Variants in NAALADL2 observed in about 807,000 individuals in gnomAD.
NAALADL2 encodes the protein inactive N-acetylated-alpha-linked acidic dipeptidase-like protein 2.
Under a neutral mutation model 87.2 loss-of-function variants are expected in NAALADL2, and 76 were observed. The ratio of observed to expected loss-of-function variants is 0.87; its 90% CI spans 0.72 to 1.05. The LOEUF (loss-of-function observed/expected upper bound fraction) is 1.05, where lower values mean the gene tolerates loss of function less well. NAALADL2 is among the 50% of genes least tolerant of loss of function. NAALADL2 has a pLI of 0.00. For missense variants in NAALADL2, 1,089 were observed against 945.8 expected, an observed-to-expected ratio of 1.15 and a Z score of -1.99; for synonymous variants, 354 against 331.0, an observed-to-expected ratio of 1.07 and a Z score of -0.75.
At chr3:174,917,280 C>T (rs1018153674) in intron 1 of NAALADL2, among the ~76,000 whole-genome samples, 8 of 151,984 alleles carry the variant, frequency 5.3e-5, no homozygotes, top group African/African-American at 1.9e-4. Flanking sequence ...TGTTCAAGAA[C>T]CTGTTGATGA....
At chr3:174,854,249 G>A (rs1177732858) in intron 3 of NAALADL2, among the ~76,000 whole-genome samples, 1 of 152,210 alleles carries the variant, frequency 6.6e-6, no homozygotes. Flanking sequence ...GGAACTGGAG[G>A]CAATTATGTT....
intron 2 of NAALADL2, among the ~76,000 whole-genome samples, chr3:175,210,750 G>A (rs1263156848): frequency 6.6e-6 from 1 of 151,114 alleles, no homozygotes; most frequent in East Asian, 1.9e-4. Flanking sequence ...AGTAATAAAG[G>A]TAAAAAAAAG....
intron 6 of NAALADL2, among the ~76,000 whole-genome samples, chr3:175,448,780 G>A (rs766333579): frequency 7.9e-5 from 12 of 152,092 alleles, no homozygotes; most frequent in Non-Finnish European, 1.8e-4. Flanking sequence ...CTTAATCATA[G>A]CTCACTGCAG....
At chr3:175,630,154 T>C (rs1727558403) in intron 11 of NAALADL2, among the ~76,000 whole-genome samples, 1 of 151,798 alleles carries the variant, frequency 6.6e-6, no homozygotes, top group African/African-American at 2.4e-5. Context: ...ATCAGTCTTA[T>C]TTCACCAATA....
chr3:174,762,858 T>G (rs766444988), intron 3 of NAALADL2, among the ~76,000 whole-genome samples: 2 of 152,110 alleles, frequency 1.3e-5, no homozygotes, highest in African/African-American at 2.4e-5. Flanking sequence ...GCTTGAAAAA[T>G]TAAAACAATC....
intron 9 of NAALADL2, among the ~76,000 whole-genome samples, chr3:175,542,746 A>G (rs1428776874): frequency 6.6e-6 from 1 of 152,212 alleles, no homozygotes; most frequent in Admixed American, 6.5e-5. Context: ...AATCTGATGT[A>G]AGTGGACCTA....
At position 175,639,318 on chromosome 3, in the gene NAALADL2, C is replaced by CTTTTTTTTTTTTTTTTT. The variant is rs756214274; in HGVS notation, c.1896+11936_1896+11952dup. Among the ~76,000 whole-genome samples the CTTTTTTTTTTTTTTTTT allele has an allele frequency of 2.3e-4, 25 of 108,716 alleles. 2 individuals carry two copies. The highest frequency in any genetic ancestry group is 1.0e-3 in the African/African-American group (25 of 24,168). 71.3% of individuals were successfully genotyped at this position (108,716 alleles called of 152,430 possible). On this transcript the variant is annotated intron_variant, in intron 11 of 13. Transcript: ENST00000454872. ...GCAGTTTTTTTTCAAAAGCGTTATT[C>CTTTTTTTTTTTTTTTTT]TTTTTTTTTTTTTTTTTTTTGAGAC... is the stretch of plus-strand genomic sequence containing the variant.
intron 13 of NAALADL2, among the ~76,000 whole-genome samples, chr3:175,786,195 C>T (rs866174073): frequency 7.3e-5 from 11 of 151,690 alleles, no homozygotes; most frequent in African/African-American, 1.2e-4. Context: ...TTGCTCTTCT[C>T]GAGGAGTATC....
intron 6 of NAALADL2, among the ~76,000 whole-genome samples, chr3:175,462,766 T>G (rs1723339095): frequency 6.6e-6 from 1 of 152,186 alleles, no homozygotes; most frequent in African/African-American, 2.4e-5. Flanking sequence ...TGCAAAATTT[T>G]TGAATATCAA....
intron 2 of NAALADL2, among the ~76,000 whole-genome samples, chr3:175,129,368 T>C (rs1727449411): frequency 6.6e-6 from 1 of 152,148 alleles, no homozygotes; most frequent in Non-Finnish European, 1.5e-5. Context: ...TTATTAACTA[T>C]AGTCACTGTG....
intron 11 of NAALADL2, among the ~76,000 whole-genome samples, chr3:175,674,043 A>G (rs1165333258): frequency 6.6e-6 from 1 of 152,134 alleles, no homozygotes; most frequent in African/African-American, 2.4e-5. Flanking sequence ...TGGAGATCCT[A>G]GATTCATTAT....
intron 4 of NAALADL2, among the ~76,000 whole-genome samples, chr3:175,290,739 G>A (rs553642763): frequency 3.3e-5 from 5 of 152,140 alleles, no homozygotes; most frequent in African/African-American, 9.6e-5. Context: ...TAGGCATAAA[G>A]TTTATTTAAA....
chr3:175,424,620 T>C (rs1340312786), intron 5 of NAALADL2, among the ~76,000 whole-genome samples: 9 of 152,130 alleles, frequency 5.9e-5, no homozygotes, highest in Non-Finnish European at 1.2e-4. Flanking sequence ...CTGTTCTATA[T>C]CTGTTCTATA....
intron 2 of NAALADL2, among the ~76,000 whole-genome samples, chr3:175,173,488 T>C (rs1735193926): frequency 6.6e-6 from 1 of 152,098 alleles, no homozygotes; most frequent in Non-Finnish European, 1.5e-5. Context: ...AGTGACAGTG[T>C]GAGACCCCAT....
chr3:174,859,432 C>A lies in NAALADL2; in HGVS notation c.25C>A (p.Pro9Thr). ...AATGGGAGAGAATGAAGCAAGTTTA[C>A]CTAACACGTCTTTGCAAGGTAAGTA... MGENEASL[P>T]NTSLQGKKMA... The change falls in exon 1 of 14, where the codon CCT becomes ACT. Residue 9 changes from proline to threonine, a missense_variant. Coordinates refer to ENST00000454872, the MANE Select transcript of NAALADL2 (RefSeq NM_207015.3). 6.2e-7 allele frequency: 1 copy of A among 1,610,902 alleles called. No individual in the cohort carries two copies. The highest frequency in any genetic ancestry group is 1.3e-5 in the African/African-American group (1 of 74,978).
intron 9 of NAALADL2, among the ~76,000 whole-genome samples, chr3:175,567,527 A>G (rs1353451919): frequency 1.3e-5 from 2 of 152,104 alleles, no homozygotes; most frequent in East Asian, 1.9e-4. Context: ...CAGAAGAAAG[A>G]TGAGAATTAG....
chr3:174,837,369 A>T (rs201620222), intron 3 of NAALADL2, among the ~76,000 whole-genome samples: 144 of 152,358 alleles, frequency 9.5e-4, no homozygotes, highest in Non-Finnish European at 1.6e-3. Flanking sequence ...GAACACCTTT[A>T]TGCACATAAA....
intron 1 of NAALADL2, among the ~76,000 whole-genome samples, chr3:174,883,015 C>T (rs1451922595): frequency 6.6e-6 from 1 of 151,834 alleles, no homozygotes; most frequent in Non-Finnish European, 1.5e-5. Context: ...CAAGGAAAGC[C>T]AGTCCGAGAT....
At chr3:175,413,570 A>AAAT (rs1214750754) in intron 5 of NAALADL2, among the ~76,000 whole-genome samples, 2 of 150,950 alleles carry the variant, frequency 1.3e-5, no homozygotes, top group African/African-American at 4.9e-5. Context: ...ACTCCATCAA[A>AAAT]AAAAAAAAAA....
Sources: gnomAD v4.1 joint callset for allele counts (sites outside exome capture counted in the v4.1 genomes callset) on GRCh38, gnomAD v4.1.1 for gene constraint, MANE v1.5 for transcripts, NCBI Gene and HGNC (gene_info 2026-07-23, HGNC 2026-07-21) for gene names.